The following STPG2 variants were observed in gnomAD, a reference collection of about 807,000 sequenced individuals.
STPG2 encodes the protein sperm tail PG-rich repeat containing 2.
A neutral mutation model predicts 54.2 loss-of-function variants in STPG2; 56 were observed. The observed-to-expected ratio is 1.03, with a 90% CI of 0.83 to 1.29. STPG2 has a LOEUF of 1.29. STPG2 is among the 50% of genes most tolerant of loss of function. The pLI is 0.00. For synonymous variants in STPG2, 200 were observed against 181.8 expected, an observed-to-expected ratio of 1.10 and a Z score of -0.81; for missense variants, 596 against 544.9, an observed-to-expected ratio of 1.09 and a Z score of -0.93.
intron 8 of STPG2, among the ~76,000 whole-genome samples, chr4:97,923,501 T>C (rs1158769787): frequency 6.6e-6 from 1 of 152,280 alleles, no homozygotes; most frequent in Non-Finnish European, 1.5e-5. Context: ...TAGTGGGGAC[T>C]TGGAGAATCT....
At chr4:97,660,042 G>T (rs895471179) in intron 10 of STPG2, among the ~76,000 whole-genome samples, 1 of 146,342 alleles carries the variant, frequency 6.8e-6, no homozygotes, top group Admixed American at 7.0e-5. Context: ...TCGCTCTGTC[G>T]CCCAGGCTGG....
chr4:97,956,892 A>G (rs552627511), intron 7 of STPG2, among the ~76,000 whole-genome samples: 1 of 152,154 alleles, frequency 6.6e-6, no homozygotes, highest in South Asian at 2.1e-4. Flanking sequence ...CAAAATCCCA[A>G]CTCTGGTAAT....
At chr4:97,491,261 T>C (rs1730497752) in intron 4 of STPG2, among the ~76,000 whole-genome samples, 1 of 151,506 alleles carries the variant, frequency 6.6e-6, no homozygotes, top group Non-Finnish European at 1.5e-5. Flanking sequence ...AGAAAACAAC[T>C]TGCCCTCAGC....
chr4:97,734,230 T>C (rs1724898557), intron 9 of STPG2, among the ~76,000 whole-genome samples: 1 of 152,206 alleles, frequency 6.6e-6, no homozygotes, highest in Non-Finnish European at 1.5e-5. Context: ...ATATTGAATT[T>C]TCTCATAGGC....
intron 9 of STPG2, among the ~76,000 whole-genome samples, chr4:97,803,978 G>A (rs760637134): frequency 3.3e-5 from 5 of 152,296 alleles, no homozygotes; most frequent in African/African-American, 4.8e-5. Flanking sequence ...CTGGTTGGGA[G>A]GCTGCTTTCC....
chr4:97,530,853 G>C (rs1731398336), intron 4 of STPG2, among the ~76,000 whole-genome samples: 2 of 152,158 alleles, frequency 1.3e-5, no homozygotes, highest in African/African-American at 2.4e-5. Flanking sequence ...AGGGGGACTG[G>C]AGATTTCACA....
intron 8 of STPG2, among the ~76,000 whole-genome samples, chr4:97,852,319 T>C (rs1458312760): frequency 1.3e-5 from 2 of 152,206 alleles, no homozygotes; most frequent in Non-Finnish European, 2.9e-5. Context: ...ATCCCTTGTA[T>C]ATAAATAGGG....
chr4:97,483,593 A>G (rs1170773722), intron 4 of STPG2, among the ~76,000 whole-genome samples: 1 of 151,786 alleles, frequency 6.6e-6, no homozygotes, highest in Non-Finnish European at 1.5e-5. Flanking sequence ...ACTAGACCTA[A>G]GAAATGAGAT....
intron 3 of STPG2, among the ~76,000 whole-genome samples, chr4:98,118,277 T>C (rs1739577837): frequency 6.6e-6 from 1 of 152,108 alleles, no homozygotes. Flanking sequence ...TACAAATCTG[T>C]GTTTAGCCAT....
intron 8 of STPG2, among the ~76,000 whole-genome samples, chr4:97,919,873 C>A (rs1378845170): frequency 6.6e-6 from 1 of 152,190 alleles, no homozygotes; most frequent in Non-Finnish European, 1.5e-5. Context: ...CATTTGCATT[C>A]CCTGTCTATA....
intron 5 of STPG2, among the ~76,000 whole-genome samples, chr4:98,066,609 A>T (rs962594193): frequency 3.3e-5 from 5 of 152,140 alleles, no homozygotes; most frequent in Admixed American, 6.6e-5. Context: ...TAAAATAAAA[A>T]AAGAGCTTAT....
At chr4:97,606,016 A>C (rs555234424) in intron 10 of STPG2, among the ~76,000 whole-genome samples, 1 of 151,952 alleles carries the variant, frequency 6.6e-6, no homozygotes, top group East Asian at 1.9e-4. Context: ...CTAGATAAGA[A>C]CTGAAAAACA....
intron 5 of STPG2, among the ~76,000 whole-genome samples, chr4:98,023,036 C>T (rs34696743): frequency 0.31 from 47,761 of 152,144 alleles, 7,674 homozygotes; most frequent in Middle Eastern, 0.36. Context: ...CACTCTCCAT[C>T]CAGCTTTGTT....
In STPG2 at chr4:98,134,424, C is replaced by G; in HGVS notation, c.145G>C (p.Glu49Gln). 6.3e-7 allele frequency: 1 copy of G among 1,588,860 alleles called. No homozygotes were observed. The highest frequency in any genetic ancestry group is 2.3e-5 in the East Asian group (1 of 43,672). Residue 49 changes from glutamate to glutamine, a missense_variant, in exon 2 of 11, where the codon GAA (glutamate) becomes CAA (glutamine). Glu to Gln is a conservative substitution (Grantham distance 29). Transcript: ENST00000295268. The stretch of plus-strand genomic sequence containing the variant: ...CTAGAGGCAATGGTAAAAGTACTTT[C>G]TCTGGCAGTCAAAGAAAGAAATGGT... ...NAPFLSLTAR[E>Q]STFTIASSIE...
At chr4:97,953,547 C>T (rs559416490) in intron 7 of STPG2, among the ~76,000 whole-genome samples, 2 of 152,344 alleles carry the variant, frequency 1.3e-5, no homozygotes, top group South Asian at 4.1e-4. Context: ...TGTGAGATCC[C>T]CCCATGACAC....
intron 5 of STPG2, among the ~76,000 whole-genome samples, chr4:98,098,178 G>C (rs1738916642): frequency 6.6e-6 from 1 of 151,948 alleles, no homozygotes; most frequent in Non-Finnish European, 1.5e-5. Context: ...GCTATCCTAA[G>C]CAAAAAGAGC....
rs376516177 is a variant in STPG2, at chr4:97,592,885, A to T, written c.1321-33768T>A. On this transcript the variant is annotated intron_variant, in intron 10 of 10. Transcript: ENST00000295268. ...AGAGCTGCTTAGAGAGGTGGTAGGG[A>T]CAGGACTCCAGCCTCTGTAGAGCCC... 2.2e-4 allele frequency among the ~76,000 whole-genome samples: 33 copies of T among 152,202 alleles called. No individual in the cohort carries two copies. The East Asian group carries it at 5.8e-3, about 27-fold the overall frequency.
At chr4:97,840,584 G>A (rs1459006460) in intron 9 of STPG2, among the ~76,000 whole-genome samples, 189 bp downstream of exon 9, 2 of 151,578 alleles carry the variant, frequency 1.3e-5, no homozygotes, top group Non-Finnish European at 3.0e-5. Context: ...GTACAACACA[G>A]CAGGTCCTCA....
intron 7 of STPG2, among the ~76,000 whole-genome samples, chr4:97,971,911 G>T (rs372457782): frequency 6.6e-6 from 1 of 151,998 alleles, no homozygotes. Context: ...CAATTGTCTG[G>T]TTTATTCTCC....
Sources: gnomAD v4.1 joint callset for allele counts (sites outside exome capture counted in the v4.1 genomes callset) on GRCh38, gnomAD v4.1.1 for gene constraint, MANE v1.5 for transcripts, NCBI Gene and HGNC (gene_info 2026-07-23, HGNC 2026-07-21) for gene names.